BTRC: variants seen among roughly 807,000 people sequenced by gnomAD.
BTRC encodes beta-transducin repeat containing E3 ubiquitin protein ligase.
Under a neutral mutation model 85.5 loss-of-function variants are expected in BTRC, and 42 were observed. That is an observed-to-expected ratio of 0.49 (90% confidence interval 0.38 to 0.64). BTRC has a LOEUF of 0.64. Among genes scored for constraint, BTRC ranks in the 30% least tolerant of loss-of-function variants. The pLI, the probability that BTRC is intolerant of heterozygous loss-of-function variation, is 0.00. For missense variants in BTRC, 594 were observed against 743.5 expected (o/e 0.80, Z 2.34); for synonymous variants, 255 against 263.3 (o/e 0.97, Z 0.30).
At chr10:101,529,853 G>A (rs2134402566) in intron 6 of BTRC, among the ~76,000 whole-genome samples, 1 of 152,190 alleles carries the variant, frequency 6.6e-6, no homozygotes, top group East Asian at 1.9e-4. Context: ...TGGATGACTG[G>A]CCCAGAGAAA....
chr10:101,441,879 C>CAAA (rs35543012), intron 2 of BTRC, among the ~76,000 whole-genome samples: 10,651 of 84,976 alleles, frequency 0.13, 1,333 homozygotes, highest in Middle Eastern at 0.26. Context: ...GAGACTGTCT[C>CAAA]AAAAAAAAAA....
intron 6 of BTRC, among the ~76,000 whole-genome samples, chr10:101,529,714 ATCTACCTTCCTGATAGGAAATTTTC>A (rs2062251933): frequency 6.6e-6 from 1 of 152,214 alleles, no homozygotes; most frequent in Admixed American, 6.5e-5. Flanking sequence ...AGTTAGAGCC[ATCTACCTTCCTGATAGGAAATTTTC>A]TCAACTAATT....
intron 4 of BTRC, among the ~76,000 whole-genome samples, chr10:101,516,206 C>G (rs1589581192): frequency 2.6e-5 from 4 of 152,252 alleles, no homozygotes; most frequent in Admixed American, 2.6e-4. Context: ...GAACACTTGA[C>G]TGTATGCTAG....
At chr10:101,362,521 G>A (rs1197973596) in intron 1 of BTRC, among the ~76,000 whole-genome samples, 4 of 151,738 alleles carry the variant, frequency 2.6e-5, no homozygotes, top group South Asian at 2.1e-4. Context: ...TCAGCCTCCC[G>A]AGTAGCTGGG....
intron 3 of BTRC, among the ~76,000 whole-genome samples, chr10:101,464,533 T>G (rs1945318925): frequency 1.0e-5 from 1 of 96,548 alleles, no homozygotes; most frequent in Non-Finnish European, 2.0e-5. Context: ...TTAACAACCT[T>G]CCCCCCCACC....
Position 101,366,976 on chromosome 10 carries a change from T to TTAATA in BTRC, c.48+12750_48+12751insATATA, listed in dbSNP as rs1564730640. ...TATATATATTTATATAAATATATAT[T>TTAATA]TATATATTTATATATATTAATATAT... On this transcript the variant is annotated intron_variant, in intron 1 of 14. Transcript: ENST00000370187. Among the ~76,000 whole-genome samples, 149 of 58,756 alleles carry TTAATA rather than the reference T, an allele frequency of 2.5e-3. 8 individuals carry two copies. The highest frequency in any genetic ancestry group is 0.017 in the South Asian group (40 of 2,404). The allele number at this position is 58,756 out of a possible 152,430, so 38.5% of individuals were successfully genotyped here. A position where few individuals can be genotyped will look rare whatever the true frequency, so the allele number is the denominator to read the frequency against.
At chr10:101,419,557 C>G (rs1234965716) in intron 1 of BTRC, among the ~76,000 whole-genome samples, 4 of 152,176 alleles carry the variant, frequency 2.6e-5, no homozygotes, top group Admixed American at 2.6e-4. Context: ...ACCGCCAGGT[C>G]TGTGCCATGG....
chr10:101,549,267 CAAAA>C (rs754113516), intron 13 of BTRC, among the ~76,000 whole-genome samples: 2 of 43,030 alleles, frequency 4.6e-5, no homozygotes, highest in Admixed American at 2.2e-4. Flanking sequence ...CTAATCTCTA[CAAAA>C]AAAAAAAAAA....
intron 1 of BTRC, among the ~76,000 whole-genome samples, chr10:101,426,107 T>A (rs1944244976): frequency 6.6e-6 from 1 of 152,170 alleles, no homozygotes; most frequent in Non-Finnish European, 1.5e-5. Context: ...ATTGCCCAAA[T>A]TTGCTATTTT....
intron 2 of BTRC, among the ~76,000 whole-genome samples, chr10:101,448,658 T>C (rs941416234): frequency 3.9e-5 from 6 of 152,124 alleles, no homozygotes; most frequent in African/African-American, 1.2e-4. Context: ...TCTCTCATTC[T>C]AGTTTTTTCA....
intron 2 of BTRC, among the ~76,000 whole-genome samples, chr10:101,437,553 A>G (rs752538854): frequency 6.6e-6 from 1 of 152,232 alleles, no homozygotes; most frequent in Non-Finnish European, 1.5e-5. Flanking sequence ...AGGATTTTAA[A>G]TGTCCTCCCA....
intron 10 of BTRC, 107 bp downstream of exon 10, chr10:101,535,017 T>C: frequency 7.6e-7 from 1 of 1,313,278 alleles, no homozygotes; most frequent in Non-Finnish European, 1.1e-6. Flanking sequence ...AAAAATGTAA[T>C]ATTTAATTCA....
intron 2 of BTRC, among the ~76,000 whole-genome samples, chr10:101,455,646 A>G (rs1945056555): frequency 1.3e-5 from 2 of 152,202 alleles, no homozygotes; most frequent in Non-Finnish European, 2.9e-5. Flanking sequence ...TTAAGGGACT[A>G]GAATTAACAA....
At chr10:101,519,758 G>A (rs1401599703) in intron 4 of BTRC, among the ~76,000 whole-genome samples, 1 of 152,204 alleles carries the variant, frequency 6.6e-6, no homozygotes, top group African/African-American at 2.4e-5. Context: ...CACTTTGGGA[G>A]GCCAAGGCGG....
rs149321432 is a variant in BTRC, at chr10:101,483,705, G to A, written c.324+4248G>A. On this transcript the variant is annotated intron_variant, in intron 4 of 14. Transcript: ENST00000370187. ...TTTTTTTTCAGAATTCTTTCTCCTG[G>A]TTATGGCCCTGTGTTTCATGAGATT... Among the ~76,000 whole-genome samples, 330 of 152,162 alleles carry A rather than the reference G, an allele frequency of 2.2e-3. 1 individual carries two copies. Among genetic ancestry groups the A allele is most frequent in the Middle Eastern group, 6.8e-3 (2 of 294 alleles).
chr10:101,537,543 A>T (rs964609858), intron 12 of BTRC, among the ~76,000 whole-genome samples: 21 of 152,254 alleles, frequency 1.4e-4, no homozygotes, highest in African/African-American at 4.3e-4. Flanking sequence ...AAGAAAAAAA[A>T]ATAGTTATTC....
At chr10:101,543,511 G>A (rs1446850843) in intron 13 of BTRC, among the ~76,000 whole-genome samples, 1 of 142,442 alleles carries the variant, frequency 7.0e-6, no homozygotes. Flanking sequence ...CCTTTGTCAT[G>A]TTTAGACCAT....
At chr10:101,365,232 C>G (rs188748078) in intron 1 of BTRC, among the ~76,000 whole-genome samples, 1 of 151,726 alleles carries the variant, frequency 6.6e-6, no homozygotes, top group East Asian at 1.9e-4. Flanking sequence ...CACCACCACA[C>G]CCAGCTAATT....
intron 1 of BTRC, among the ~76,000 whole-genome samples, chr10:101,364,225 C>T (rs1208291116): frequency 1.3e-5 from 2 of 152,056 alleles, no homozygotes; most frequent in Admixed American, 1.3e-4. Context: ...TGAATAATAC[C>T]TGTTGATTGG....
Sources: gnomAD v4.1 joint callset for allele counts (sites outside exome capture counted in the v4.1 genomes callset) on GRCh38, gnomAD v4.1.1 for gene constraint, MANE v1.5 for transcripts, NCBI Gene and HGNC (gene_info 2026-07-23, HGNC 2026-07-21) for gene names.